FCHO2: variants seen among roughly 807,000 people sequenced by gnomAD.
FCHO2 encodes F-BAR domain only protein 2.
Under a neutral mutation model 114.1 loss-of-function variants are expected in FCHO2, and 43 were observed. The ratio of observed to expected loss-of-function variants is 0.38; its 90% CI spans 0.30 to 0.49. FCHO2 has a LOEUF of 0.49. FCHO2 is among the 20% of genes least tolerant of loss of function. The pLI, the probability that FCHO2 is intolerant of heterozygous loss-of-function variation, is 0.97. For synonymous variants in FCHO2, 293 were observed against 315.2 expected (o/e 0.93, Z 0.75); for missense variants, 807 against 950.4 (o/e 0.85, Z 1.98).
intron 8 of FCHO2, among the ~76,000 whole-genome samples, chr5:73,018,199 A>G (rs1186718051): frequency 1.3e-5 from 2 of 152,142 alleles, no homozygotes; most frequent in Non-Finnish European, 2.9e-5. Context: ...AATCATCTTT[A>G]ATTTCTTCTT....
In FCHO2 at chr5:73,087,761, A is replaced by G; in HGVS notation, c.2410+8A>G. On this transcript the variant is annotated splice_region_variant and intron_variant, in intron 25 of 25. Transcript: ENST00000430046. The stretch of plus-strand genomic sequence containing the variant: ...AGAAGCGGTTTGCTACTGGTAAGTT[A>G]GGAGATTTCAAACTTTTTAATGTAC... The G allele has an allele frequency of 6.4e-7, 1 of 1,554,936 alleles. No individual in the cohort carries two copies. The highest frequency in any genetic ancestry group is 8.7e-7 in the Non-Finnish European group (1 of 1,155,204).
intron 1 of FCHO2, among the ~76,000 whole-genome samples, chr5:72,966,942 A>G (rs1287004194): frequency 1.3e-5 from 2 of 152,254 alleles, no homozygotes; most frequent in Non-Finnish European, 2.9e-5. Context: ...ATAGGATTAA[A>G]CAACAGTAGA....
intron 1 of FCHO2, among the ~76,000 whole-genome samples, chr5:72,959,648 G>A (rs753335091): frequency 3.6e-4 from 55 of 152,212 alleles, no homozygotes; most frequent in African/African-American, 3.4e-4. Context: ...TCAAAACATC[G>A]TGCTCTATAT....
Position 73,012,195 on chromosome 5 carries a change from C to T in FCHO2, c.601-3431C>T, listed in dbSNP as rs895114641. Among the ~76,000 whole-genome samples the T allele has an allele frequency of 2.6e-5, 4 of 152,240 alleles. No individual in the cohort carries two copies. The East Asian group carries it at 7.7e-4, about 29-fold the overall frequency. Reference sequence around the variant, plus strand: ...CAAACGTGAGTAATGCGTTGCACTACGTTATGGCAGCTATGATGTCACTAG... The same window carrying T: ...CAAACGTGAGTAATGCGTTGCACTATGTTATGGCAGCTATGATGTCACTAG... On this transcript the variant is annotated intron_variant, in intron 6 of 25. Coordinates refer to ENST00000430046, the MANE Select transcript of FCHO2 (RefSeq NM_138782.3).
intron 18 of FCHO2, 111 bp from the exon 19 acceptor site, chr5:73,068,539 C>T: frequency 9.3e-7 from 1 of 1,078,418 alleles, no homozygotes; most frequent in Non-Finnish European, 1.3e-6. Flanking sequence ...TTACAAGAAA[C>T]TCACACAGTA....
At chr5:73,054,652 T>C in intron 15 of FCHO2, 103 bp downstream of exon 15, 1 of 829,546 alleles carries the variant, frequency 1.2e-6, no homozygotes, top group Middle Eastern at 2.3e-4. Context: ...TCTTTTCTCA[T>C]CATGAGCCCT....
intron 8 of FCHO2, among the ~76,000 whole-genome samples, chr5:73,023,117 A>C (rs1029653089): frequency 6.6e-6 from 1 of 152,234 alleles, no homozygotes; most frequent in Admixed American, 6.5e-5. Flanking sequence ...GTATTCTGAA[A>C]GGGATAATGG....
chr5:73,021,091 C>T (rs887824872), intron 8 of FCHO2: 17 of 823,062 alleles, frequency 2.1e-5, no homozygotes, highest in East Asian at 4.8e-5. Context: ...ATTGATGATT[C>T]GGTCCCCCAG....
At chr5:73,037,773 TGA>T in intron 10 of FCHO2, 1 of 383,508 alleles carries the variant, frequency 2.6e-6, no homozygotes, top group East Asian at 9.9e-5. Context: ...TTTTTTTTTT[TGA>T]GATGGAGTTT....
Position 72,990,803 on chromosome 5 carries a change from C to T in FCHO2, c.434C>T (p.Ala145Val). ...CAGAAATCCAAGGAAAATTACAATGCCAAGTGTGTAGAACAGGAGCGTTTG... is the reference window on the plus strand; with the variant it reads ...CAGAAATCCAAGGAAAATTACAATGTCAAGTGTGTAGAACAGGAGCGTTTG... ...ALQKSKENYN[A>V]KCVEQERLKK... The change falls in exon 5 of 26, where the codon GCC becomes GTC. Residue 145 changes from alanine (A) to valine (V), a missense_variant. Coordinates refer to ENST00000430046, the MANE Select transcript of FCHO2 (RefSeq NM_138782.3). 1 of 1,552,660 alleles carries T rather than the reference C, an allele frequency of 6.4e-7. No individual in the cohort carries two copies. The highest frequency in any genetic ancestry group is 2.0e-5 in the Admixed American group (1 of 51,064).
rs1743161590 is a variant in FCHO2, at chr5:73,082,781, C to G, written c.2201C>G (p.Ala734Gly). Residue 734 changes from alanine to glycine, a missense_variant, in exon 24 of 26, where the codon GCC becomes GGC. Physicochemically the swap from Ala to Gly is moderately conservative, Grantham distance 60. Coordinates refer to ENST00000430046, the MANE Select transcript of FCHO2 (RefSeq NM_138782.3). The part of the protein sequence containing the change: ...PAIWNAEQMK[A>G]FWKLSSISEK... ...TGCAGGAATGCAGAACAAATGAAAGCCTTTTGGAAATTGTCTAGTATTTCA... is the reference window on the plus strand; with the variant it reads ...TGCAGGAATGCAGAACAAATGAAAGGCTTTTGGAAATTGTCTAGTATTTCA... 2 of 1,606,290 alleles carry G rather than the reference C, an allele frequency of 1.2e-6. No homozygotes were observed. The highest frequency in any genetic ancestry group is 8.5e-7 in the Non-Finnish European group (1 of 1,176,296).
intron 25 of FCHO2, 109 bp from the exon 26 acceptor site, chr5:73,087,959 C>A: frequency 6.8e-7 from 1 of 1,468,104 alleles, no homozygotes; most frequent in Non-Finnish European, 9.4e-7. Context: ...TTCTAATGTA[C>A]TGTAAATAGC....
At chr5:73,032,845 C>G (rs994856710) in intron 8 of FCHO2, among the ~76,000 whole-genome samples, 3 of 151,956 alleles carry the variant, frequency 2.0e-5, no homozygotes, top group Middle Eastern at 6.8e-3. Flanking sequence ...TTTGGTAAAC[C>G]CTTTCTTGTC....
At chr5:72,996,729 T>G (rs1754128272) in intron 5 of FCHO2, among the ~76,000 whole-genome samples, 1 of 152,136 alleles carries the variant, frequency 6.6e-6, no homozygotes, top group Admixed American at 6.5e-5. Context: ...AGCTCCCCGT[T>G]CCGCTGGGCT....
chr5:72,980,526 G>A (rs2112640912), intron 2 of FCHO2, among the ~76,000 whole-genome samples: 1 of 152,252 alleles, frequency 6.6e-6, no homozygotes, highest in South Asian at 2.1e-4. Flanking sequence ...TTGTTTACCT[G>A]TCTAATATTG....
intron 11 of FCHO2, among the ~76,000 whole-genome samples, chr5:73,043,066 C>A (rs573696204): frequency 8.5e-5 from 13 of 152,146 alleles, no homozygotes; most frequent in Non-Finnish European, 1.3e-4. Flanking sequence ...GTAGCTGGGA[C>A]TACAGGCACA....
chr5:72,968,397 A>G, intron 1 of FCHO2, 101 bp from the exon 2 acceptor site: 1 of 722,944 alleles, frequency 1.4e-6, no homozygotes, highest in Middle Eastern at 2.7e-4. Context: ...AAAACACCTC[A>G]CCTGAGCACA....
chr5:73,079,157 T>A (rs756440940), intron 22 of FCHO2, among the ~76,000 whole-genome samples: 1 of 151,990 alleles, frequency 6.6e-6, no homozygotes, highest in African/African-American at 2.4e-5. Flanking sequence ...TGGAGTAGAG[T>A]AGCATGATCA....
Position 73,034,721 on chromosome 5 carries a change from T to C in FCHO2, c.841+20T>C. Reference sequence around the variant, plus strand: ...TTGAAGGTAAGTTGATTAGTTATAATATGTTAATGCACATGGCAGCTAGCT... The same window carrying C: ...TTGAAGGTAAGTTGATTAGTTATAACATGTTAATGCACATGGCAGCTAGCT... On this transcript the variant is annotated intron_variant, in intron 9 of 25. Transcript: ENST00000430046. The C allele has an allele frequency of 1.9e-6, 3 of 1,574,718 alleles. No homozygotes were observed. Among genetic ancestry groups the C allele is most frequent in the South Asian group, 2.4e-5 (2 of 82,940 alleles).
Sources: gnomAD v4.1 joint callset for allele counts (sites outside exome capture counted in the v4.1 genomes callset) on GRCh38, gnomAD v4.1.1 for gene constraint, MANE v1.5 for transcripts, NCBI Gene and HGNC (gene_info 2026-07-23, HGNC 2026-07-21) for gene names.